The following SLC30A7 variants were observed in gnomAD, a reference collection of about 807,000 sequenced individuals.
SLC30A7 encodes the protein solute carrier family 30 member 7.
SLC30A7 carries 35 observed loss-of-function variants against 46.0 expected under a neutral mutation model. That is an observed-to-expected ratio of 0.76 (90% CI 0.58 to 1.01). The LOEUF (loss-of-function observed/expected upper bound fraction) is 1.01. Ranked by LOEUF, SLC30A7 falls within the 50% of genes least tolerant of loss-of-function variation. SLC30A7 has a pLI of 0.00. For missense variants in SLC30A7, 464 were observed against 451.1 expected (o/e 1.03, Z -0.26); for synonymous variants, 147 against 157.8 (o/e 0.93, Z 0.51).
At chr1:100,937,476 G>GT (rs1325076169) in intron 8 of SLC30A7, among the ~76,000 whole-genome samples, 1 of 151,856 alleles carries the variant, frequency 6.6e-6, no homozygotes, top group Non-Finnish European at 1.5e-5. Flanking sequence ...TTTTATTTTT[G>GT]TTTTTTGTTT....
chr1:100,912,188 T>C lies in SLC30A7; in HGVS notation c.461T>C (p.Ile154Thr), dbSNP rs376713179. 11 of 1,613,808 alleles carry C rather than the reference T, an allele frequency of 6.8e-6. No homozygotes were observed. In the African/African-American group the frequency reaches 8.0e-5, roughly 12 times the overall value. Residue 154 changes from isoleucine to threonine, a missense_variant, in exon 5 of 11, where the codon ATA becomes ACA. Physicochemically the swap from Ile to Thr is moderately conservative, Grantham distance 89. Transcript: ENST00000357650. The stretch of plus-strand genomic sequence containing the variant: ...ATTCTTGGGTTTGTGGTAAACCTAA[T>C]AGGAATATTTGTTTTCAAACATGGA... ...VSILGFVVNL[I>T]GIFVFKHGGH...
chr1:100,911,368 A>C (rs975331601), intron 4 of SLC30A7, among the ~76,000 whole-genome samples: 1 of 152,202 alleles, frequency 6.6e-6, no homozygotes, highest in African/African-American at 2.4e-5. Context: ...GTGCTTTACA[A>C]GTTATAGATG....
intron 9 of SLC30A7, among the ~76,000 whole-genome samples, chr1:100,964,606 C>T (rs1275441886): frequency 6.6e-6 from 1 of 152,110 alleles, no homozygotes; most frequent in Admixed American, 6.6e-5. Flanking sequence ...TCTGTAACTA[C>T]ACTGTCCTCC....
chr1:100,898,856 A>G (rs1323240763), intron 2 of SLC30A7, among the ~76,000 whole-genome samples: 1 of 152,182 alleles, frequency 6.6e-6, no homozygotes, highest in Non-Finnish European at 1.5e-5. Flanking sequence ...TCCTTGTTGA[A>G]TTTCATTCTG....
chr1:100,899,055 A>G (rs1373072559), intron 2 of SLC30A7, among the ~76,000 whole-genome samples: 1 of 152,206 alleles, frequency 6.6e-6, no homozygotes, highest in Non-Finnish European at 1.5e-5. Flanking sequence ...GAACTTAATT[A>G]TAGTTGATTT....
downstream of SLC30A7, among the ~76,000 whole-genome samples, chr1:100,983,574 C>CT (rs1050621645): frequency 6.6e-6 from 1 of 152,124 alleles, no homozygotes; most frequent in Admixed American, 6.5e-5. Flanking sequence ...TTAATGTAAA[C>CT]TTTAACTCCT....
At chr1:100,949,102 C>T (rs577991328) in intron 8 of SLC30A7, among the ~76,000 whole-genome samples, 100 of 152,254 alleles carry the variant, frequency 6.6e-4, no homozygotes, top group African/African-American at 2.2e-3. Context: ...GGAGAAGAGG[C>T]GCTCTGGTTT....
At chr1:100,932,148 C>T (rs1653697440) in intron 8 of SLC30A7, among the ~76,000 whole-genome samples, 1 of 152,186 alleles carries the variant, frequency 6.6e-6, no homozygotes, top group Admixed American at 6.5e-5. Flanking sequence ...GGCACGGTTG[C>T]TCATGCCTGT....
At position 100,915,188 on chromosome 1, in the gene SLC30A7, CTTTCT is replaced by C. The variant is rs1553236556; in HGVS notation, c.655+1390_655+1394del. Among the ~76,000 whole-genome samples the C allele has an allele frequency of 2.9e-4, 36 of 123,818 alleles. No homozygotes were observed. In the South Asian group the frequency reaches 6.6e-3, roughly 23 times the overall value. The allele number at this position is 123,818 out of a possible 152,430, so 81.2% of individuals were successfully genotyped here. Reference sequence around the variant, plus strand: ...CTTCTTTTCTTTTTTCTTTTCTTTTCTTTCTTTTCTTTCTTTCTTTCTTTCTTTCT... The same window carrying C: ...CTTCTTTTCTTTTTTCTTTTCTTTTCTTTCTTTCTTTCTTTCTTTCTTTCT... On this transcript the variant is annotated intron_variant, in intron 6 of 10. Coordinates refer to ENST00000357650, the MANE Select transcript of SLC30A7 (RefSeq NM_133496.5).
the SLC30A7 span, among the ~76,000 whole-genome samples, chr1:100,993,056 T>G: frequency 6.6e-6 from 1 of 152,184 alleles, no homozygotes; most frequent in African/African-American, 2.4e-5. Context: ...TAAGTGGCAA[T>G]TTGGTCTATA....
At chr1:100,992,686 C>T in the SLC30A7 span, 11 of 1,613,986 alleles carry the variant, frequency 6.8e-6, no homozygotes. Flanking sequence ...CCAGAAGCTG[C>T]TGGGCTGCTT....
intron 8 of SLC30A7, among the ~76,000 whole-genome samples, chr1:100,939,953 A>G (rs1390558701): frequency 6.6e-6 from 1 of 152,174 alleles, no homozygotes; most frequent in African/African-American, 2.4e-5. Context: ...CTGAGGAGGA[A>G]GTAGTAAAAA....
the SLC30A7 span, chr1:100,995,243 G>T: frequency 1.4e-6 from 1 of 729,054 alleles, no homozygotes; most frequent in Non-Finnish European, 2.3e-6. Context: ...TAAATTTTGG[G>T]GAAACACTCT....
rs762606592 is a variant in SLC30A7, at chr1:100,918,123, A to G, written c.702A>G (p.Leu234=). The G allele has an allele frequency of 3.7e-6, 6 of 1,611,222 alleles. No homozygotes were observed. The highest frequency in any genetic ancestry group is 3.3e-5 in the Admixed American group (2 of 59,920). The change falls in exon 7 of 11, where the codon TTA becomes TTG. Residue 234 remains leucine (L), a synonymous_variant. Transcript: ENST00000357650. ...KETTGPSRQI[L]QGVFLHILAD... is the part of the protein sequence containing the mutation. ...CAACAGGACCCAGCAGACAGATTTT[A>G]CAAGGTATGACAAGCAATTTTTATG...
the SLC30A7 span, among the ~76,000 whole-genome samples, chr1:100,992,447 ATTTT>A: frequency 6.6e-6 from 1 of 151,646 alleles, no homozygotes; most frequent in Non-Finnish European, 1.5e-5. Context: ...AAGAATGCCA[ATTTT>A]TTTTTCTTTC....
intron 10 of SLC30A7, among the ~76,000 whole-genome samples, chr1:100,970,877 T>C (rs1218915140): frequency 6.6e-6 from 1 of 152,094 alleles, no homozygotes; most frequent in Non-Finnish European, 1.5e-5. Flanking sequence ...TGTAGAAATA[T>C]GTTTGAAGAA....
intron 6 of SLC30A7, among the ~76,000 whole-genome samples, chr1:100,917,417 T>C (rs1652640368): frequency 1.3e-5 from 2 of 152,226 alleles, no homozygotes; most frequent in Non-Finnish European, 2.9e-5. Context: ...CAAATGATGA[T>C]AGTAGGTACA....
chr1:100,910,626 A>G (rs956173773), intron 3 of SLC30A7, among the ~76,000 whole-genome samples: 2 of 152,134 alleles, frequency 1.3e-5, no homozygotes, highest in African/African-American at 2.4e-5. Flanking sequence ...TACAAAGCAG[A>G]AAGCATAAGG....
At chr1:100,970,017 G>T (rs903982761) in intron 10 of SLC30A7, among the ~76,000 whole-genome samples, 4 of 151,912 alleles carry the variant, frequency 2.6e-5, no homozygotes, top group African/African-American at 9.7e-5. Flanking sequence ...AAAAAATTTT[G>T]ATCTTAAATT....
Sources: allele counts gnomAD v4.1 joint callset (sites outside exome capture counted in the v4.1 genomes callset), GRCh38; gene constraint gnomAD v4.1.1; transcripts MANE v1.5; gene names NCBI Gene and HGNC (gene_info 2026-07-23, HGNC 2026-07-21).